The following COL18A1 variants were observed in gnomAD, a reference collection of about 807,000 sequenced individuals.
COL18A1 encodes the protein collagen type XVIII alpha 1 chain.
Under a neutral mutation model 168.0 loss-of-function variants are expected in COL18A1, and 133 were observed. The ratio of observed to expected loss-of-function variants is 0.79; its 90% CI spans 0.69 to 0.91. COL18A1 has a LOEUF of 0.91. Among genes scored for constraint, COL18A1 ranks in the 40% least tolerant of loss-of-function variants. COL18A1 has a pLI of 0.00. For synonymous variants in COL18A1, 949 were observed against 809.0 expected, an observed-to-expected ratio of 1.17 and a Z score of -2.94; for missense variants, 2,126 against 1,925.4, an observed-to-expected ratio of 1.10 and a Z score of -1.95.
At chr21:45,452,638 G>A (rs182208882) in intron 2 of COL18A1, among the ~76,000 whole-genome samples, 1 of 149,940 alleles carries the variant, frequency 6.7e-6, no homozygotes, top group Non-Finnish European at 1.5e-5. Flanking sequence ...ATGTAAGCAT[G>A]TGTGTGTGAG....
At position 45,512,504 on chromosome 21, in the gene COL18A1, A is replaced by ATACTT. The variant is rs1442079372; in HGVS notation, c.*108_*112dup. On this transcript the variant is annotated 3_prime_UTR_variant, in exon 42 of 42. Transcript: ENST00000651438. ...CCCCTGGCCCCAGGACCTGGCTGCC[A>ATACTT]TACTTTCCTGTATAGTTCACGTTTC... The ATACTT allele has an allele frequency of 9.9e-7, 1 of 1,010,092 alleles. No individual in the cohort carries two copies. The highest frequency in any genetic ancestry group is 2.6e-5 in the East Asian group (1 of 39,122). 62.6% of individuals were successfully genotyped at this position (1,010,092 alleles called of 1,614,324 possible).
rs373030953 is a variant in COL18A1 at position 45,477,802 on chromosome 21, G to A, written c.1058G>A (p.Arg353Gln). 116 of 1,549,332 alleles carry A rather than the reference G, an allele frequency of 7.5e-5. No individual in the cohort carries two copies. Among genetic ancestry groups the A allele is most frequent in the Admixed American group, 1.6e-4 (8 of 51,010 alleles). The change falls in exon 8 of 42, where the codon CGG becomes CAG. Residue 353 changes from arginine to glutamine, a missense_variant. Transcript: ENST00000651438. ...CCAGGTGTTCCGGGCCCACCTGGCC[G>A]GGCAGGCCCCCCAGGATCCCCATGC... ...GEPGVPGPPG[R>Q]AGPPGSPCLP...
chr21:45,489,038 G>C (rs990833786), intron 18 of COL18A1, among the ~76,000 whole-genome samples: 2 of 152,200 alleles, frequency 1.3e-5, no homozygotes, highest in Non-Finnish European at 2.9e-5. Flanking sequence ...TGCTGCGTGC[G>C]GGGCCAAGGG....
chr21:45,434,461 G>T (rs2034046276), intron 2 of COL18A1, among the ~76,000 whole-genome samples: 1 of 152,202 alleles, frequency 6.6e-6, no homozygotes, highest in Non-Finnish European at 1.5e-5. Context: ...CTCCGGGGGG[G>T]TTTGCAGCAG....
intron 2 of COL18A1, among the ~76,000 whole-genome samples, chr21:45,416,063 C>T (rs1284654906): frequency 6.6e-6 from 1 of 152,228 alleles, no homozygotes; most frequent in Non-Finnish European, 1.5e-5. Flanking sequence ...GCAGGTATGC[C>T]TCTGTGACCC....
intron 14 of COL18A1, chr21:45,482,362 C>T (rs1379240630): frequency 7.5e-6 from 5 of 665,682 alleles, no homozygotes; most frequent in Admixed American, 1.9e-5. Flanking sequence ...GGGCCCCAGG[C>T]GTTTGTGGGT....
Position 45,477,843 on chromosome 21 carries a change from G to A in COL18A1, c.1099G>A (p.Gly367Ser). 8 of 1,553,352 alleles carry A rather than the reference G, an allele frequency of 5.2e-6. No individual in the cohort carries two copies. Among genetic ancestry groups the A allele is most frequent in the Non-Finnish European group, 7.0e-6 (8 of 1,148,312 alleles). The change falls in exon 8 of 42, where the codon GGT (glycine) becomes AGT (serine). Residue 367 changes from glycine (G) to serine (S), a missense_variant. By Grantham distance (56) the Gly-to-Ser change is moderately conservative. Coordinates refer to ENST00000651438, the MANE Select transcript of COL18A1 (RefSeq NM_001379500.1). Reference sequence around the variant, plus strand: ...ATCCCCATGCCTACCTGGTCCCCCGGGTCTCCCGTGCCCAGTGAGTCCCCT... The same window carrying A: ...ATCCCCATGCCTACCTGGTCCCCCGAGTCTCCCGTGCCCAGTGAGTCCCCT... ...PGSPCLPGPP[G>S]LPCPVSPLGP...
intron 2 of COL18A1, among the ~76,000 whole-genome samples, chr21:45,435,700 G>T (rs1391471850): frequency 6.6e-6 from 1 of 152,092 alleles, no homozygotes; most frequent in Non-Finnish European, 1.5e-5. Context: ...GGGGAGCTGG[G>T]AGTCCTATAG....
intron 2 of COL18A1, among the ~76,000 whole-genome samples, chr21:45,452,594 G>A (rs1307799002): frequency 2.0e-5 from 3 of 149,950 alleles, no homozygotes; most frequent in Non-Finnish European, 3.0e-5. Flanking sequence ...TACATGTGGG[G>A]GCTTGTGTAT....
At chr21:45,445,119 G>A (rs372379381) in intron 2 of COL18A1, among the ~76,000 whole-genome samples, 2 of 152,100 alleles carry the variant, frequency 1.3e-5, no homozygotes, top group Admixed American at 6.5e-5. Flanking sequence ...CCTTTCCGCC[G>A]CCCTCCCTCC....
chr21:45,512,032 AG>A (rs1379831223), intron 41 of COL18A1, among the ~76,000 whole-genome samples, 155 bp from the exon 42 acceptor site: 3 of 152,130 alleles, frequency 2.0e-5, no homozygotes, highest in African/African-American at 7.2e-5. Context: ...GGCAGCCAGC[AG>A]GGAGGCCATG....
intron 38 of COL18A1, among the ~76,000 whole-genome samples, chr21:45,507,827 T>C (rs934515114): frequency 2.6e-5 from 4 of 152,194 alleles, no homozygotes; most frequent in African/African-American, 9.7e-5. Context: ...GCCCCTCTCA[T>C]CCCTCAACTT....
intron 2 of COL18A1, among the ~76,000 whole-genome samples, chr21:45,434,858 TGGTGAGG>T (rs971627634): frequency 7.2e-5 from 11 of 152,256 alleles, no homozygotes; most frequent in Admixed American, 2.0e-4. Flanking sequence ...GGGGTCTCTC[TGGTGAGG>T]GGTGACCCAG....
In COL18A1 at chr21:45,455,344, C is replaced by T. The variant is rs528948521; in HGVS notation, c.107-12898C>T. 3.3e-4 allele frequency: 251 copies of T among 760,784 alleles called. 1 individual carries two copies. The African/African-American group carries it at 3.7e-3, about 11-fold the overall frequency. 47.1% of individuals were successfully genotyped at this position (760,784 alleles called of 1,614,324 possible). A position where few individuals can be genotyped will look rare whatever the true frequency, so the allele number is the denominator to read the frequency against. ...ATAAATCCTTGGGTGCTGGAACCCC[C>T]GGGTGCTGGGCACCTTGATTCCAAG... is the stretch of plus-strand genomic sequence containing the variant. On this transcript the variant is annotated intron_variant, in intron 2 of 41. Transcript: ENST00000651438.
chr21:45,438,096 TCACA>T (rs762651872), intron 2 of COL18A1, among the ~76,000 whole-genome samples: 4 of 27,800 alleles, frequency 1.4e-4, no homozygotes, highest in Admixed American at 7.3e-4. Context: ...CTGCACACAC[TCACA>T]CTCACACTCA....
intron 6 of COL18A1, among the ~76,000 whole-genome samples, 183 bp downstream of exon 6, chr21:45,476,663 G>T (rs1188851401): frequency 2.0e-5 from 3 of 150,728 alleles, no homozygotes; most frequent in Non-Finnish European, 4.4e-5. Flanking sequence ...TTTGATGTGT[G>T]GTGTGTGATG....
In COL18A1 at chr21:45,425,980, GTGA is replaced by G. The variant is rs1318554197; in HGVS notation, c.106+20508_106+20510del. 6.6e-6 allele frequency among the ~76,000 whole-genome samples: 1 copy of G among 152,186 alleles called. No homozygotes were observed. Among genetic ancestry groups the G allele is most frequent in the Non-Finnish European group, 1.5e-5 (1 of 68,034 alleles). ...ATGAGAACCCAGGAAGGGGCTGAGTGTGACTCCTCTGGTTTTTAGAGAGCACTG... is the reference window on the plus strand; with the variant it reads ...ATGAGAACCCAGGAAGGGGCTGAGTGCTCCTCTGGTTTTTAGAGAGCACTG... On this transcript the variant is annotated intron_variant, in intron 2 of 41. Coordinates refer to ENST00000651438, the MANE Select transcript of COL18A1 (RefSeq NM_001379500.1). This position sits in a 1 kb window ranked among gnomAD's most constrained non-coding sequence, Gnocchi z 4.1.
At chr21:45,448,711 C>T (rs916807503) in intron 2 of COL18A1, among the ~76,000 whole-genome samples, 13 of 152,254 alleles carry the variant, frequency 8.5e-5, no homozygotes, top group African/African-American at 2.9e-4. Flanking sequence ...TCTGTCCGTC[C>T]TCCTGTGAAC....
intron 15 of COL18A1, among the ~76,000 whole-genome samples, chr21:45,486,300 C>CCTCTCCT (rs1478849686): frequency 7.1e-6 from 1 of 140,758 alleles, no homozygotes; most frequent in Non-Finnish European, 1.5e-5. Flanking sequence ...TCCTGAGCCT[C>CCTCTCCT]CTCTCCTCTC....
Sources: allele counts gnomAD v4.1 joint callset (sites outside exome capture counted in the v4.1 genomes callset), GRCh38; gene constraint gnomAD v4.1.1; non-coding constraint Gnocchi (gnomAD v3.1); transcripts MANE v1.5; gene names NCBI Gene and HGNC (gene_info 2026-07-23, HGNC 2026-07-21).